MAP3K14: variants seen among roughly 807,000 people sequenced by gnomAD.
MAP3K14 encodes the protein mitogen-activated protein kinase kinase kinase 14.
MAP3K14 carries 16 observed loss-of-function variants against 99.2 expected under a neutral mutation model. That is an observed-to-expected ratio of 0.16 (90% confidence interval 0.11 to 0.24). MAP3K14 has a LOEUF of 0.24. Ranked by LOEUF, MAP3K14 falls within the 10% of genes least tolerant of loss-of-function variation. The probability of loss-of-function intolerance (pLI) is 1.00; values close to 1 mark genes in which losing one functional copy is unlikely to be tolerated. For synonymous variants in MAP3K14, 462 were observed against 492.4 expected (o/e 0.94, Z 0.82); for missense variants, 784 against 1,208.7 (o/e 0.65, Z 5.21).
chr17:45,297,794 A>G (rs1320308360), intron 1 of MAP3K14, among the ~76,000 whole-genome samples: 1 of 142,532 alleles, frequency 7.0e-6, no homozygotes, highest in Non-Finnish European at 1.5e-5. Context: ...ATCTTGGCTC[A>G]CTGCAACCTC....
At chr17:45,316,637 C>T (rs905806209) in intron 1 of MAP3K14, among the ~76,000 whole-genome samples, 6 of 152,166 alleles carry the variant, frequency 3.9e-5, no homozygotes, top group African/African-American at 1.4e-4. Flanking sequence ...AGCAGGCGGG[C>T]GGGCCTGGCG....
intron 1 of MAP3K14, among the ~76,000 whole-genome samples, chr17:45,312,145 GCAT>G (rs1477113879): frequency 8.5e-5 from 13 of 152,318 alleles, no homozygotes; most frequent in African/African-American, 2.9e-4. Flanking sequence ...CTACACCCCT[GCAT>G]GGGTGACTCA....
At chr17:45,312,851 C>A (rs1243263001) in intron 1 of MAP3K14, among the ~76,000 whole-genome samples, 3 of 152,174 alleles carry the variant, frequency 2.0e-5, no homozygotes, top group African/African-American at 7.2e-5. Context: ...GTAGTGGGAA[C>A]CTCATCCCAC....
rs2044083662 is a variant in MAP3K14 at position 45,266,475 on chromosome 17, G to A, written c.2578+62C>T. 3.9e-6 allele frequency: 6 copies of A among 1,540,364 alleles called. No homozygotes were observed. In the Admixed American group the frequency reaches 7.5e-5, roughly 19 times the overall value. On this transcript the variant is annotated intron_variant, in intron 14 of 15. Coordinates refer to ENST00000344686, the MANE Select transcript of MAP3K14 (RefSeq NM_003954.5). ...GGGGAGACAAAATCCCTCAATGGCT[G>A]TCTAGCTCCAGGCAGATCAGCTGCC...
Position 45,284,847 on chromosome 17 carries a change from C to A in MAP3K14, c.1255G>T (p.Asp419Tyr). 1 of 1,593,460 alleles carries A rather than the reference C, an allele frequency of 6.3e-7. No homozygotes were observed. The highest frequency in any genetic ancestry group is 8.5e-7 in the Non-Finnish European group (1 of 1,170,278). ...GCGCACTGGAAGCCAGTCTGCTTGTCCTCCATCCTGTGCACCTCTCCGAAG... is the reference window on the plus strand; with the variant it reads ...GCGCACTGGAAGCCAGTCTGCTTGTACTCCATCCTGTGCACCTCTCCGAAG... ...GSFGEVHRME[D>Y]KQTGFQCAVK... Residue 419 changes from aspartate to tyrosine, a missense_variant, in exon 6 of 16, where the codon GAC becomes TAC. Around this residue, in one of 5 missense-constraint regions of MAP3K14, gnomAD observed 200 missense variants for 367.9 expected, o/e 0.54. Transcript: ENST00000344686.
intron 1 of MAP3K14, among the ~76,000 whole-genome samples, chr17:45,312,275 TGCCTCTCACCTCCA>T (rs1805205856): frequency 6.6e-6 from 1 of 152,238 alleles, no homozygotes; most frequent in Admixed American, 6.5e-5. Flanking sequence ...AGGCACACTC[TGCCTCTCACCTCCA>T]GCCTGAAGTC....
intron 11 of MAP3K14, among the ~76,000 whole-genome samples, chr17:45,268,900 C>G (rs1016469956): frequency 3.9e-5 from 6 of 152,170 alleles, no homozygotes; most frequent in Non-Finnish European, 7.4e-5. Context: ...AGGTGCCCCC[C>G]CAGAGTGGGT....
chr17:45,273,567 G>A lies in MAP3K14; in HGVS notation c.1593C>T (p.Ala531=). ...ACACAGCATGGCCAAAGTCACAGAG[G>A]GCTGCGTGGCTCCCATCGCTGGACA... The part of the protein sequence containing the change: ...VLLSSDGSHA[A]LCDFGHAVCL... The change falls in exon 9 of 16, where the codon GCC becomes GCT. Residue 531 remains alanine, a synonymous_variant. Transcript: ENST00000344686. The A allele has an allele frequency of 3.1e-6, 5 of 1,613,478 alleles. No individual in the cohort carries two copies. Among genetic ancestry groups the A allele is most frequent in the Non-Finnish European group, 4.2e-6 (5 of 1,179,736 alleles).
chr17:45,305,128 T>A (rs2044421131), intron 1 of MAP3K14, among the ~76,000 whole-genome samples: 1 of 152,062 alleles, frequency 6.6e-6, no homozygotes, highest in Admixed American at 6.6e-5. Flanking sequence ...GACGGAGTCT[T>A]GCTCTGTCGC....
Position 45,273,485 on chromosome 17 carries a change from GT to G in MAP3K14, c.1657+17del. ...AATGAATGCATTGGGGGGCACGGCA[GT>G]TGGTGGGGGGCCTTACCTGTGAGCA... is the stretch of plus-strand genomic sequence containing the variant. On this transcript the variant is annotated intron_variant, in intron 9 of 15. Coordinates refer to ENST00000344686, the MANE Select transcript of MAP3K14 (RefSeq NM_003954.5). 6.3e-7 allele frequency: 1 copy of G among 1,582,292 alleles called. No homozygotes were observed. Among genetic ancestry groups the G allele is most frequent in the Non-Finnish European group, 8.6e-7 (1 of 1,156,252 alleles).
chr17:45,305,075 AT>A (rs1238748259), intron 1 of MAP3K14, among the ~76,000 whole-genome samples: 2 of 151,828 alleles, frequency 1.3e-5, no homozygotes, highest in Non-Finnish European at 1.5e-5. Flanking sequence ...GAAGTGTAAG[AT>A]TTTTTTTGGT....
chr17:45,274,412 G>A (rs553597591), intron 7 of MAP3K14, 52 bp downstream of exon 7: 1 of 1,607,874 alleles, frequency 6.2e-7, no homozygotes, highest in Admixed American at 1.7e-5. Flanking sequence ...CAAGACTCAG[G>A]GGGGAACTCT....
At chr17:45,270,906 T>G in intron 10 of MAP3K14, 152 bp downstream of exon 10, 1 of 1,109,754 alleles carries the variant, frequency 9.0e-7, no homozygotes, top group Non-Finnish European at 1.3e-6. Context: ...ACCCCCAGAT[T>G]TGGGTGGCAA....
intron 11 of MAP3K14, 68 bp downstream of exon 11, chr17:45,270,345 C>T (rs916983203): frequency 1.9e-6 from 3 of 1,549,298 alleles, no homozygotes; most frequent in Non-Finnish European, 1.7e-6. Flanking sequence ...TGGACCTGCG[C>T]CCACCTGCCT....
At chr17:45,273,898 G>A (rs188546254) in intron 8 of MAP3K14, 42 of 656,252 alleles carry the variant, frequency 6.4e-5, no homozygotes, top group African/African-American at 2.7e-4. Flanking sequence ...CAGTGGGTGG[G>A]AGCTTGACCT....
intron 6 of MAP3K14, among the ~76,000 whole-genome samples, chr17:45,282,498 T>C (rs2044231144): frequency 6.9e-6 from 1 of 145,630 alleles, no homozygotes; most frequent in African/African-American, 2.6e-5. Flanking sequence ...GAGGCTGCAG[T>C]GAGCTGTGAT....
rs568807460 is a variant in MAP3K14 at position 45,309,878 on chromosome 17, A to C, written c.-21+7082T>G. On this transcript the variant is annotated intron_variant, in intron 1 of 15. Transcript: ENST00000344686. ...TTTGCAAGTATCTAATACATGCTAG[A>C]GGGAGGTGGTGCAGGACTCTGTCCT... 2.4e-3 allele frequency among the ~76,000 whole-genome samples: 364 copies of C among 152,206 alleles called. 1 individual carries two copies. The highest frequency in any genetic ancestry group is 8.5e-3 in the African/African-American group (353 of 41,524).
At chr17:45,266,481 C>A in intron 14 of MAP3K14, 56 bp downstream of exon 14, 1 of 1,558,932 alleles carries the variant, frequency 6.4e-7, no homozygotes, top group Non-Finnish European at 8.7e-7. Context: ...GGCTGTCTAG[C>A]TCCAGGCAGA....
In MAP3K14 at chr17:45,285,699, T is replaced by C. The variant is rs552533705; in HGVS notation, c.1152+732A>G. On this transcript the variant is annotated intron_variant, in intron 5 of 15. Transcript: ENST00000344686. ...AAGACAGTGCAGTGGCTCACACCTA[T>C]AATCCGAGCACTTTTGGAGGCCAAT... Among the ~76,000 whole-genome samples, 30 of 152,172 alleles carry C rather than the reference T, an allele frequency of 2.0e-4. No homozygotes were observed. In the Middle Eastern group the frequency reaches 0.01, roughly 52 times the overall value.
Sources: gnomAD v4.1 joint callset for allele counts (sites outside exome capture counted in the v4.1 genomes callset) on GRCh38, gnomAD v4.1.1 for gene constraint, gnomAD v4.1.1 regional missense constraint, MANE v1.5 for transcripts, NCBI Gene and HGNC (gene_info 2026-07-23, HGNC 2026-07-21) for gene names.